COL4A3: variants seen among roughly 807,000 people sequenced by gnomAD.
COL4A3 encodes collagen alpha-3(IV) chain.
Under a neutral mutation model 217.4 loss-of-function variants are expected in COL4A3, and 135 were observed. That is an observed-to-expected ratio of 0.62 (90% CI 0.54 to 0.72). COL4A3 has a LOEUF of 0.72. Ranked by LOEUF, COL4A3 falls within the 30% of genes least tolerant of loss-of-function variation. The pLI is 0.00. For synonymous variants in COL4A3, 690 were observed against 736.3 expected (o/e 0.94, Z 1.02); for missense variants, 1,868 against 2,119.9 (o/e 0.88, Z 2.33).
intron 1 of COL4A3, among the ~76,000 whole-genome samples, chr2:227,226,946 A>G (rs1266023855): frequency 1.3e-5 from 2 of 152,258 alleles, no homozygotes; most frequent in Non-Finnish European, 2.9e-5. Flanking sequence ...AACAAGAGAG[A>G]AAATAAATAT....
chr2:227,309,228 G>A lies in COL4A3; in HGVS notation c.4665G>A (p.Ala1555=), dbSNP rs200858199. The stretch of plus-strand genomic sequence containing the variant: ...GATGCACTGTTTGTGAAGGTCCTGC[G>A]ATCGCCATAGCCGTTCACAGCCAAA... ...ISRCTVCEGP[A]IAIAVHSQTT... Residue 1555 remains alanine, a synonymous_variant, in exon 50 of 52, where the codon GCG becomes GCA. Transcript: ENST00000396578. 3.1e-3 allele frequency: 5,054 copies of A among 1,614,162 alleles called. 11 individuals carry two copies. The highest frequency in any genetic ancestry group is 4.0e-3 in the Admixed American group (241 of 60,008).
chr2:227,308,263 A>G (rs906809109), intron 48 of COL4A3, among the ~76,000 whole-genome samples: 3 of 152,016 alleles, frequency 2.0e-5, no homozygotes, highest in African/African-American at 7.3e-5. Flanking sequence ...CCCAGGCTGG[A>G]GTGCAGTGGT....
At chr2:227,273,561 G>A (rs1311208116) in intron 26 of COL4A3, among the ~76,000 whole-genome samples, 1 of 152,016 alleles carries the variant, frequency 6.6e-6, no homozygotes, top group Non-Finnish European at 1.5e-5. Context: ...GTGTCACCAC[G>A]ACCAGCTAAT....
Position 227,250,305 on chromosome 2 carries a change from CTG to C in COL4A3, c.547-833_547-832del, listed in dbSNP as rs986431550. ...TCCAGCCTGAGGACAGAATGAGACT[CTG>C]TCTCAAAAAAATAGGTAGATAGATA... On this transcript the variant is annotated intron_variant, in intron 9 of 51. Transcript: ENST00000396578. This position sits in a 1 kb window ranked among gnomAD's most constrained non-coding sequence, Gnocchi z 4.1. Among the ~76,000 whole-genome samples the C allele has an allele frequency of 6.6e-6, 1 of 151,614 alleles. No individual in the cohort carries two copies. The highest frequency in any genetic ancestry group is 2.4e-5 in the African/African-American group (1 of 41,218).
In COL4A3 at chr2:227,289,154, C is replaced by T. The variant is rs77846212; in HGVS notation, c.2886C>T (p.Phe962=). Residue 962 remains phenylalanine, a synonymous_variant, in exon 35 of 52, where the codon TTC becomes TTT. Transcript: ENST00000396578. ...ATACCTGGTTTCTAACTTCAGGATT[C>T]GCAGGAAATCCAGGTGAGAAAGGAA... ...GDKGEPGLKG[F]AGNPGEKGNR... 685 of 1,612,472 alleles carry T rather than the reference C, an allele frequency of 4.2e-4. 1 individual carries two copies. Among genetic ancestry groups the T allele is most frequent in the African/African-American group, 3.8e-3 (282 of 74,930 alleles).
intron 1 of COL4A3, among the ~76,000 whole-genome samples, chr2:227,202,745 AAATAT>A (rs1230336262): frequency 5.5e-4 from 9 of 16,404 alleles, no homozygotes; most frequent in East Asian, 4.3e-3. Flanking sequence ...TAAAAAAAAA[AAATAT>A]ATATATATAT....
At position 227,253,037 on chromosome 2, in the gene COL4A3, C is replaced by T. The variant is rs1469486216; in HGVS notation, c.646-259C>T. 6.6e-6 allele frequency among the ~76,000 whole-genome samples: 1 copy of T among 152,136 alleles called. No individual in the cohort carries two copies. The highest frequency in any genetic ancestry group is 2.4e-5 in the African/African-American group (1 of 41,432). ...CCAGAAAAATATGCTCTGAGCTGGG[C>T]TCCTTTCCCTCCCCCACACCACTGC... is the stretch of plus-strand genomic sequence containing the variant. On this transcript the variant is annotated intron_variant, in intron 11 of 51. Coordinates refer to ENST00000396578, the MANE Select transcript of COL4A3 (RefSeq NM_000091.5). The surrounding 1 kb of genome is among the most constrained non-coding windows in gnomAD (Gnocchi z 4.4).
chr2:227,251,977 G>A (rs1379543848), intron 11 of COL4A3, among the ~76,000 whole-genome samples: 2 of 137,622 alleles, frequency 1.5e-5, no homozygotes, highest in Non-Finnish European at 3.0e-5. Flanking sequence ...GCTGAGGCAG[G>A]AAAATCGCTT....
chr2:227,172,033 A>G (rs1364203272), intron 1 of COL4A3, among the ~76,000 whole-genome samples: 1 of 152,182 alleles, frequency 6.6e-6, no homozygotes, highest in African/African-American at 2.4e-5. Context: ...GGAGTTGTAT[A>G]CGTGTTCACT....
intron 1 of COL4A3, among the ~76,000 whole-genome samples, chr2:227,182,923 C>G (rs2065903545): frequency 6.6e-6 from 1 of 152,182 alleles, no homozygotes; most frequent in Non-Finnish European, 1.5e-5. Context: ...ACCAACTACT[C>G]TAACATTTAC....
Position 227,253,622 on chromosome 2 carries a change from G to T in COL4A3, c.749G>T (p.Gly250Val), listed in dbSNP as rs2069936992. The T allele has an allele frequency of 6.2e-7, 1 of 1,613,836 alleles. No homozygotes were observed. The highest frequency in any genetic ancestry group is 8.5e-7 in the Non-Finnish European group (1 of 1,179,878). ...PPGTVIVTLTGPDNRTDLKGE... is the reference protein window; with the variant it reads ...PPGTVIVTLTVPDNRTDLKGE... Reference sequence around the variant, plus strand: ...GGAACAGTTATTGTGACCCTAACTGGCCCAGATAACAGAACGGTAACTCTG... The same window carrying T: ...GGAACAGTTATTGTGACCCTAACTGTCCCAGATAACAGAACGGTAACTCTG... Residue 250 changes from glycine to valine, a missense_variant, in exon 13 of 52, where the codon GGC becomes GTC. Coordinates refer to ENST00000396578, the MANE Select transcript of COL4A3 (RefSeq NM_000091.5). This position sits in a 1 kb window ranked among gnomAD's most constrained non-coding sequence, Gnocchi z 4.4.
chr2:227,168,089 T>G (rs911197053), intron 1 of COL4A3, among the ~76,000 whole-genome samples: 10 of 152,246 alleles, frequency 6.6e-5, no homozygotes, highest in African/African-American at 2.4e-4. Flanking sequence ...GCATAGTATC[T>G]AGTTATATAA....
chr2:227,223,753 T>C (rs909822194), intron 1 of COL4A3, among the ~76,000 whole-genome samples: 3 of 111,598 alleles, frequency 2.7e-5, no homozygotes, highest in Non-Finnish European at 4.6e-5. Context: ...AATAAACAAA[T>C]AAATAAGCAA....
chr2:227,194,869 A>G (rs938640152), intron 1 of COL4A3, among the ~76,000 whole-genome samples: 6 of 152,182 alleles, frequency 3.9e-5, no homozygotes, highest in Non-Finnish European at 8.8e-5. Context: ...GAGAATATAG[A>G]AGAGACACAT....
chr2:227,289,218 A>G lies in COL4A3; in HGVS notation c.2950A>G (p.Lys984Glu). 6.2e-7 allele frequency: 1 copy of G among 1,613,914 alleles called. No individual in the cohort carries two copies. Among genetic ancestry groups the G allele is most frequent in the Non-Finnish European group, 8.5e-7 (1 of 1,179,904 alleles). ...VPGMPGLKGLKGLPGPAGPPG... is the reference protein window; with the variant it reads ...VPGMPGLKGLEGLPGPAGPPG... ...AGGGATGCCAGGTTTAAAGGGCCTC[A>G]AAGGACTACCCGGACCAGCAGGACC... is the stretch of plus-strand genomic sequence containing the variant. Residue 984 changes from lysine to glutamate, a missense_variant, in exon 35 of 52, where the codon AAA becomes GAA. By Grantham distance (56) the Lys-to-Glu change is moderately conservative. Coordinates refer to ENST00000396578, the MANE Select transcript of COL4A3 (RefSeq NM_000091.5).
rs537417956 is a variant in COL4A3 at position 227,211,576 on chromosome 2, C to T, written c.88-26392C>T. On this transcript the variant is annotated intron_variant, in intron 1 of 51. Coordinates refer to ENST00000396578, the MANE Select transcript of COL4A3 (RefSeq NM_000091.5). ...TACATTCATGCTGGAAATCGATTTA[C>T]AATCTTACCTGGAGGACATAGGCAT... is the stretch of plus-strand genomic sequence containing the variant. 3.9e-4 allele frequency among the ~76,000 whole-genome samples: 59 copies of T among 152,324 alleles called. 1 individual carries two copies. The South Asian group carries it at 0.012, about 30-fold the overall frequency.
intron 1 of COL4A3, among the ~76,000 whole-genome samples, chr2:227,174,868 G>T (rs2065621228): frequency 6.6e-6 from 1 of 152,156 alleles, no homozygotes; most frequent in Admixed American, 6.5e-5. Flanking sequence ...GAAGACATAG[G>T]CGCTGGGCTA....
intron 51 of COL4A3, among the ~76,000 whole-genome samples, chr2:227,311,188 A>T (rs1335069912): frequency 6.6e-6 from 1 of 152,218 alleles, no homozygotes; most frequent in Non-Finnish European, 1.5e-5. Flanking sequence ...ACTTGTGAAT[A>T]ATGTGGATAA....
At chr2:227,171,532 A>G (rs548399955) in intron 1 of COL4A3, among the ~76,000 whole-genome samples, 198 of 152,282 alleles carry the variant, frequency 1.3e-3, no homozygotes, top group African/African-American at 4.6e-3. Context: ...TTCTGGAATG[A>G]AGCTGTTGGC....
Sources: allele counts gnomAD v4.1 joint callset (sites outside exome capture counted in the v4.1 genomes callset), GRCh38; gene constraint gnomAD v4.1.1; non-coding constraint Gnocchi (gnomAD v3.1); transcripts MANE v1.5; gene names NCBI Gene and HGNC (gene_info 2026-07-23, HGNC 2026-07-21).